The following RALYL variants were observed in gnomAD, a reference collection of about 807,000 sequenced individuals.
The protein encoded by RALYL is RNA-binding Raly-like protein.
In RALYL, 29 loss-of-function variants were observed where a neutral mutation model predicts 35.1. The observed-to-expected ratio is 0.83, with a 90% CI of 0.61 to 1.13. RALYL has a LOEUF of 1.13. RALYL is among the 50% of genes most tolerant of loss of function. The pLI is 0.00. For synonymous variants in RALYL, 120 were observed against 127.6 expected (o/e 0.94, Z 0.40); for missense variants, 359 against 360.4 (o/e 1.00, Z 0.03).
intron 1 of RALYL, among the ~76,000 whole-genome samples, chr8:84,278,793 A>G (rs894357242): frequency 6.6e-5 from 10 of 152,152 alleles, no homozygotes; most frequent in African/African-American, 2.4e-4. Context: ...CCATATCACT[A>G]TCAGCATTTT....
rs545372582 is a variant in RALYL, at chr8:84,724,141, G to C, written c.257-50438G>C. 2.6e-5 allele frequency among the ~76,000 whole-genome samples: 4 copies of C among 151,870 alleles called. No homozygotes were observed. The East Asian group carries it at 7.7e-4, about 29-fold the overall frequency. On this transcript the variant is annotated intron_variant, in intron 2 of 8. Transcript: ENST00000521268. ...AATGAAACATGAAGAAATTAAATCA[G>C]ATATTTACCTTTACTAATAAAATTG...
chr8:84,344,638 A>G (rs1849475074), intron 1 of RALYL, among the ~76,000 whole-genome samples: 1 of 152,086 alleles, frequency 6.6e-6, no homozygotes, highest in Non-Finnish European at 1.5e-5. Flanking sequence ...TAACATATCT[A>G]TCATCTTAAA....
chr8:84,875,264 A>C (rs1840923464), intron 7 of RALYL, among the ~76,000 whole-genome samples: 1 of 152,164 alleles, frequency 6.6e-6, no homozygotes, highest in Non-Finnish European at 1.5e-5. Context: ...TTTGATAACC[A>C]ATTTGCACTT....
At chr8:84,558,520 A>T (rs574607684) in intron 2 of RALYL, among the ~76,000 whole-genome samples, 12 of 152,142 alleles carry the variant, frequency 7.9e-5, no homozygotes, top group East Asian at 5.8e-4. Context: ...AACAATTTTT[A>T]AAAAAATTGT....
At chr8:84,440,867 A>C (rs1375084950) in intron 1 of RALYL, among the ~76,000 whole-genome samples, 8 of 152,044 alleles carry the variant, frequency 5.3e-5, no homozygotes, top group Admixed American at 5.2e-4. Flanking sequence ...GTTTTCATTT[A>C]ACTTGATTTA....
intron 2 of RALYL, among the ~76,000 whole-genome samples, chr8:84,688,958 G>A (rs971384822): frequency 2.6e-5 from 4 of 151,074 alleles, no homozygotes; most frequent in Admixed American, 6.6e-5. Flanking sequence ...ACAGGTATAC[G>A]AAAAAAAATT....
At chr8:84,238,740 C>G (rs1435652451) in intron 1 of RALYL, among the ~76,000 whole-genome samples, 2 of 152,052 alleles carry the variant, frequency 1.3e-5, no homozygotes, top group Non-Finnish European at 2.9e-5. Flanking sequence ...AATTTTAGAG[C>G]TTCTTCCATC....
intron 1 of RALYL, among the ~76,000 whole-genome samples, chr8:84,300,025 T>C (rs899847445): frequency 6.6e-6 from 1 of 152,036 alleles, no homozygotes; most frequent in East Asian, 1.9e-4. Flanking sequence ...CTAAGAGTGA[T>C]ATTAGGTTGT....
At chr8:84,726,442 T>C (rs1183803880) in intron 2 of RALYL, among the ~76,000 whole-genome samples, 1 of 150,970 alleles carries the variant, frequency 6.6e-6, no homozygotes, top group East Asian at 1.9e-4. Context: ...TCACTTGATG[T>C]TGGTAGACTA....
chr8:84,275,012 C>T (rs538256895), intron 1 of RALYL, among the ~76,000 whole-genome samples: 8 of 152,286 alleles, frequency 5.3e-5, no homozygotes, highest in African/African-American at 1.7e-4. Context: ...ACCATATTTG[C>T]ATCTGGTGTT....
chr8:84,547,747 C>A (rs2060460597), intron 2 of RALYL, among the ~76,000 whole-genome samples: 1 of 152,110 alleles, frequency 6.6e-6, no homozygotes, highest in Admixed American at 6.5e-5. Context: ...TTGAAGTTTT[C>A]TTTGTGGGAT....
intron 2 of RALYL, among the ~76,000 whole-genome samples, chr8:84,769,038 T>C (rs573636543): frequency 7.9e-5 from 12 of 152,366 alleles, no homozygotes; most frequent in African/African-American, 2.9e-4. Context: ...GCTTTTTATT[T>C]ATTGATGAGA....
At chr8:84,205,564 T>TTAA (rs1817869315) in intron 1 of RALYL, among the ~76,000 whole-genome samples, 1 of 152,222 alleles carries the variant, frequency 6.6e-6, no homozygotes. Context: ...TCAATATTCT[T>TTAA]TGACTTCTAA....
intron 4 of RALYL, among the ~76,000 whole-genome samples, chr8:84,841,294 C>CA (rs1000665438): frequency 6.6e-6 from 1 of 151,518 alleles, no homozygotes; most frequent in African/African-American, 2.4e-5. Flanking sequence ...AAATGGAAAA[C>CA]AAAAAAAGGC....
At chr8:84,466,447 C>A (rs1279927970) in intron 1 of RALYL, among the ~76,000 whole-genome samples, 20 of 149,872 alleles carry the variant, frequency 1.3e-4, no homozygotes, top group Middle Eastern at 3.4e-3. Context: ...GATTACATTT[C>A]TTGATTTGCG....
In RALYL at chr8:84,458,705, A is replaced by T. The variant is rs369200816; in HGVS notation, c.-23-70594A>T. Among the ~76,000 whole-genome samples, 21 of 151,962 alleles carry T rather than the reference A, an allele frequency of 1.4e-4. No individual in the cohort carries two copies. The East Asian group carries it at 3.1e-3, about 22-fold the overall frequency. On this transcript the variant is annotated intron_variant, in intron 1 of 8. Transcript: ENST00000521268. ...ACCTAATGGTCTTCATAATGCCACT[A>T]AAAGTTCATAGCTGATAGGAAGAAT... is the stretch of plus-strand genomic sequence containing the variant.
At chr8:84,879,398 T>G (rs1841788551) in intron 7 of RALYL, among the ~76,000 whole-genome samples, 2 of 152,266 alleles carry the variant, frequency 1.3e-5, no homozygotes, top group South Asian at 4.1e-4. Context: ...TACTAACAAC[T>G]TAGCTGCACA....
At chr8:84,269,661 G>A (rs1833939009) in intron 1 of RALYL, among the ~76,000 whole-genome samples, 2 of 152,070 alleles carry the variant, frequency 1.3e-5, no homozygotes, top group Non-Finnish European at 2.9e-5. Context: ...TGTATGTAAT[G>A]TGTAGAAAAT....
intron 1 of RALYL, among the ~76,000 whole-genome samples, chr8:84,365,739 T>A (rs890389927): frequency 6.6e-6 from 1 of 152,186 alleles, no homozygotes; most frequent in South Asian, 2.1e-4. Context: ...AGAAGGCAGT[T>A]ATGGGTTTTA....
Sources: gnomAD v4.1 joint callset for allele counts (sites outside exome capture counted in the v4.1 genomes callset) on GRCh38, gnomAD v4.1.1 for gene constraint, MANE v1.5 for transcripts, NCBI Gene and HGNC (gene_info 2026-07-23, HGNC 2026-07-21) for gene names.